The following DNAI7 variants were observed in gnomAD, a reference collection of about 807,000 sequenced individuals.
DNAI7 encodes dynein axonemal intermediate chain 7.
DNAI7 carries 78 observed loss-of-function variants against 86.6 expected under a neutral mutation model. The ratio of observed to expected loss-of-function variants is 0.90; its 90% CI spans 0.75 to 1.09. The LOEUF is 1.09. Ranked by LOEUF, DNAI7 falls within the 50% of genes least tolerant of loss-of-function variation. The pLI, the probability that DNAI7 is intolerant of heterozygous loss-of-function variation, is 0.00. For synonymous variants in DNAI7, 274 were observed against 273.0 expected (o/e 1.00, Z -0.04); for missense variants, 753 against 810.2 (o/e 0.93, Z 0.86).
At chr12:25,149,801 A>G (rs1042106949) in intron 6 of DNAI7, 27 bp from the exon 7 acceptor site, 3 of 1,365,798 alleles carry the variant, frequency 2.2e-6, no homozygotes, top group African/African-American at 1.4e-5. Flanking sequence ...TATTTGCATT[A>G]ATTCTCAGAG....
At chr12:25,124,032 T>TTGTGTGTGTGTGTGTGTGTG (rs57454187) in intron 9 of DNAI7, among the ~76,000 whole-genome samples, 5,111 of 144,556 alleles carry the variant, frequency 0.035, 159 homozygotes, top group Non-Finnish European at 0.048. Flanking sequence ...AGTATAAAAA[T>TTGTGTGTGTGTGTGTGTGTG]TGTGTGTGTG....
intron 2 of DNAI7, among the ~76,000 whole-genome samples, chr12:25,166,367 C>T (rs1177952488): frequency 1.3e-5 from 2 of 152,070 alleles, no homozygotes; most frequent in East Asian, 3.9e-4. Flanking sequence ...TACCTCCCTC[C>T]ACAACCCATT....
chr12:25,125,545 T>C (rs1565659185), intron 9 of DNAI7, among the ~76,000 whole-genome samples: 1 of 152,230 alleles, frequency 6.6e-6, no homozygotes, highest in East Asian at 1.9e-4. Context: ...GCAAATATTT[T>C]CCACCATTCT....
chr12:25,117,226 G>A (rs1221585560), intron 12 of DNAI7, among the ~76,000 whole-genome samples: 1 of 152,134 alleles, frequency 6.6e-6, no homozygotes, highest in African/African-American at 2.4e-5. Context: ...GAGCCACTGC[G>A]ACCGGCCTAC....
chr12:25,185,114 G>C (rs1949916879), intron 2 of DNAI7, among the ~76,000 whole-genome samples: 1 of 152,032 alleles, frequency 6.6e-6, no homozygotes, highest in Admixed American at 6.6e-5. Context: ...CTCCAGCCTG[G>C]GTGACACAGC....
intron 9 of DNAI7, among the ~76,000 whole-genome samples, chr12:25,125,685 A>C (rs1355763779): frequency 6.6e-6 from 1 of 152,082 alleles, no homozygotes; most frequent in Non-Finnish European, 1.5e-5. Context: ...ATCTTTGCCC[A>C]TCCTATGTCC....
chr12:25,194,072 G>A (rs1409387253), intron 1 of DNAI7, among the ~76,000 whole-genome samples: 1 of 151,794 alleles, frequency 6.6e-6, no homozygotes, highest in Non-Finnish European at 1.5e-5. Flanking sequence ...TGCCCGCCTC[G>A]GCCTCCCAAA....
chr12:25,179,141 C>T (rs1448693143), intron 2 of DNAI7, among the ~76,000 whole-genome samples: 3 of 152,020 alleles, frequency 2.0e-5, no homozygotes, highest in East Asian at 3.8e-4. Context: ...CTTCTTGACC[C>T]ATTTTAGAAT....
chr12:25,153,573 C>G (rs11047865), intron 6 of DNAI7, among the ~76,000 whole-genome samples: 58,141 of 152,038 alleles, frequency 0.38, 13,027 homozygotes, highest in East Asian at 0.77. Context: ...AGGCTCCCAG[C>G]CATACAGGAG....
intron 2 of DNAI7, among the ~76,000 whole-genome samples, chr12:25,186,493 A>C (rs1200238478): frequency 2.0e-5 from 3 of 152,192 alleles, no homozygotes; most frequent in African/African-American, 7.2e-5. Flanking sequence ...AATGTAACTA[A>C]ACAAAAATGA....
At chr12:25,141,661 T>C (rs1484924692) in intron 9 of DNAI7, among the ~76,000 whole-genome samples, 1 of 152,038 alleles carries the variant, frequency 6.6e-6, no homozygotes, top group Admixed American at 6.6e-5. Context: ...AAACCCTGTA[T>C]CTACTAAAAA....
chr12:25,148,468 A>G (rs1592424474), intron 7 of DNAI7, among the ~76,000 whole-genome samples: 3 of 152,202 alleles, frequency 2.0e-5, no homozygotes, highest in Admixed American at 2.0e-4. Flanking sequence ...TGGCACTAGA[A>G]GAATTATGTA....
At chr12:25,149,841 T>C (rs990293233) in intron 6 of DNAI7, 67 bp from the exon 7 acceptor site, 19 of 941,344 alleles carry the variant, frequency 2.0e-5, no homozygotes, top group Non-Finnish European at 3.1e-5. Flanking sequence ...AAAAAGGGAA[T>C]GTTTTATCCC....
chr12:25,170,250 G>A (rs1212514721), intron 2 of DNAI7, among the ~76,000 whole-genome samples: 1 of 151,936 alleles, frequency 6.6e-6, no homozygotes, highest in Non-Finnish European at 1.5e-5. Flanking sequence ...AATTACCCTG[G>A]TGTGGTGGTG....
chr12:25,155,116 T>G (rs1322141247), intron 5 of DNAI7, among the ~76,000 whole-genome samples, 195 bp downstream of exon 5: 1 of 152,188 alleles, frequency 6.6e-6, no homozygotes, highest in Non-Finnish European at 1.5e-5. Context: ...ATATAAACAT[T>G]TCAAGGACAT....
chr12:25,144,416 C>T lies in DNAI7; in HGVS notation c.951G>A (p.Gln317=). The T allele has an allele frequency of 5.0e-6, 8 of 1,614,064 alleles. No homozygotes were observed. The highest frequency in any genetic ancestry group is 6.8e-6 in the Non-Finnish European group (8 of 1,179,966). The change falls in exon 9 of 16, where the codon CAG becomes CAA. Residue 317 remains glutamine, a synonymous_variant. Transcript: ENST00000395987. ...CCTCCTCAACTTTTATTTCTTCCTC[C>T]TGAATTAAGTGAGACCCTCTTTCTT... The part of the protein sequence containing the change: ...KQQERGSHLI[Q]EEEIKVEEEQ...
At chr12:25,187,784 G>A (rs1312143513) in intron 2 of DNAI7, among the ~76,000 whole-genome samples, 4 of 152,146 alleles carry the variant, frequency 2.6e-5, no homozygotes, top group Non-Finnish European at 5.9e-5. Flanking sequence ...TCAGATGTAA[G>A]ATGTATTTAT....
chr12:25,145,071 G>A (rs1413963261), intron 8 of DNAI7, among the ~76,000 whole-genome samples: 1 of 152,144 alleles, frequency 6.6e-6, no homozygotes, highest in Non-Finnish European at 1.5e-5. Flanking sequence ...TTTGTAATAT[G>A]AGCTTTATTT....
intron 9 of DNAI7, among the ~76,000 whole-genome samples, chr12:25,138,948 A>T (rs1943878219): frequency 6.6e-6 from 1 of 152,070 alleles, no homozygotes; most frequent in African/African-American, 2.4e-5. Context: ...AACAAAATTG[A>T]CAGACCATTA....
Sources: allele counts gnomAD v4.1 joint callset (sites outside exome capture counted in the v4.1 genomes callset), GRCh38; gene constraint gnomAD v4.1.1; transcripts MANE v1.5; gene names NCBI Gene and HGNC (gene_info 2026-07-23, HGNC 2026-07-21).